The following ZW10 variants were observed in gnomAD, a reference collection of about 807,000 sequenced individuals.
ZW10 encodes centromere/kinetochore protein zw10 homolog.
Under a neutral mutation model 87.8 loss-of-function variants are expected in ZW10, and 53 were observed. That is an observed-to-expected ratio of 0.60 (90% confidence interval 0.48 to 0.76). ZW10 has a LOEUF of 0.76. Ranked by LOEUF, ZW10 falls within the 30% of genes least tolerant of loss-of-function variation. The probability of loss-of-function intolerance (pLI) is 0.00; values close to 1 mark genes in which losing one functional copy is unlikely to be tolerated. For synonymous variants in ZW10, 312 were observed against 329.2 expected (o/e 0.95, Z 0.57); for missense variants, 837 against 923.0 (o/e 0.91, Z 1.21).
chr11:113,755,863 C>G (rs1953778039), intron 7 of ZW10, among the ~76,000 whole-genome samples: 1 of 152,124 alleles, frequency 6.6e-6, no homozygotes, highest in East Asian at 1.9e-4. Context: ...TCACTGAAGG[C>G]TCAGATGATC....
chr11:113,765,326 T>C (rs1953899208), intron 2 of ZW10, among the ~76,000 whole-genome samples: 1 of 152,192 alleles, frequency 6.6e-6, no homozygotes, highest in Non-Finnish European at 1.5e-5. Flanking sequence ...CCATTCTCCT[T>C]CTTTCCATAT....
intron 6 of ZW10, among the ~76,000 whole-genome samples, chr11:113,758,182 A>AC (rs1953814454): frequency 6.6e-6 from 1 of 150,970 alleles, no homozygotes; most frequent in African/African-American, 2.4e-5. Flanking sequence ...CTCAAAAAAA[A>AC]ACACTTCTAA....
chr11:113,752,694 C>A (rs1238096871), intron 7 of ZW10, among the ~76,000 whole-genome samples: 2 of 152,170 alleles, frequency 1.3e-5, no homozygotes, highest in East Asian at 1.9e-4. Context: ...ACTCCACTAA[C>A]CAGCCACCCC....
At chr11:113,773,224 G>C (rs540371378) in intron 1 of ZW10, among the ~76,000 whole-genome samples, 2 of 151,734 alleles carry the variant, frequency 1.3e-5, no homozygotes, top group South Asian at 4.2e-4. Context: ...CGCTCTGCTG[G>C]TCTCTTCAGT....
At chr11:113,772,237 C>T (rs573038853) in intron 1 of ZW10, among the ~76,000 whole-genome samples, 1 of 152,240 alleles carries the variant, frequency 6.6e-6, no homozygotes, top group African/African-American at 2.4e-5. Flanking sequence ...CAAAGAAAGG[C>T]ATGTTGGGTC....
At chr11:113,749,796 C>T (rs1255797419) in intron 7 of ZW10, among the ~76,000 whole-genome samples, 1 of 152,228 alleles carries the variant, frequency 6.6e-6, no homozygotes, top group East Asian at 1.9e-4. Flanking sequence ...GCAACTACTG[C>T]ATCACATATT....
chr11:113,769,675 A>G (rs2134901009), intron 1 of ZW10: 1 of 334,712 alleles, frequency 3.0e-6, no homozygotes, highest in Non-Finnish European at 6.0e-6. Context: ...CTACAAATTT[A>G]GTGGCTTCAC....
intron 1 of ZW10, among the ~76,000 whole-genome samples, chr11:113,772,001 A>G (rs916130497): frequency 6.6e-6 from 1 of 152,250 alleles, no homozygotes; most frequent in Non-Finnish European, 1.5e-5. Flanking sequence ...GCCTTCCAGG[A>G]GCACAAATGA....
intron 7 of ZW10, among the ~76,000 whole-genome samples, chr11:113,756,094 C>G (rs1343346239): frequency 6.6e-6 from 1 of 152,046 alleles, no homozygotes; most frequent in African/African-American, 2.4e-5. Context: ...CTAGTAGTCC[C>G]TTTAAGGAGG....
chr11:113,743,054 C>A (rs886619842), intron 10 of ZW10, among the ~76,000 whole-genome samples: 1 of 152,196 alleles, frequency 6.6e-6, no homozygotes, highest in African/African-American at 2.4e-5. Flanking sequence ...CATGCTCTGC[C>A]ATTTTCTTCT....
At chr11:113,767,006 A>G (rs1250494803) in intron 2 of ZW10, among the ~76,000 whole-genome samples, 1 of 152,050 alleles carries the variant, frequency 6.6e-6, no homozygotes, top group Non-Finnish European at 1.5e-5. Flanking sequence ...ACAGAGTAAG[A>G]ATCTGTCTCA....
intron 7 of ZW10, among the ~76,000 whole-genome samples, chr11:113,748,790 T>C (rs987254370): frequency 1.3e-5 from 2 of 152,228 alleles, no homozygotes; most frequent in African/African-American, 2.4e-5. Context: ...TGAATAAACA[T>C]ACTTTTTTCG....
rs181660125 is a variant in ZW10, at chr11:113,753,921, G to C, written c.925+3741C>G. 6.8e-4 allele frequency among the ~76,000 whole-genome samples: 104 copies of C among 152,328 alleles called. 1 individual carries two copies. The highest frequency in any genetic ancestry group is 1.2e-3 in the Non-Finnish European group (79 of 68,024). On this transcript the variant is annotated intron_variant, in intron 7 of 15. Coordinates refer to ENST00000200135, the MANE Select transcript of ZW10 (RefSeq NM_004724.4). ...CTGTCTCCATAATAGAAAAGCTCAA[G>C]GTGAAGCAGCAAGTGCCAATGGAAA...
Position 113,768,735 on chromosome 11 carries a change from T to C in ZW10, c.240+98A>G, listed in dbSNP as rs1044067234. ...AATCTCCATTTACCAATCAGAAAAG[T>C]GAGGGTTTAAAAAGTTGTACACAAT... is the stretch of plus-strand genomic sequence containing the variant. On this transcript the variant is annotated intron_variant, in intron 2 of 15. Transcript: ENST00000200135. 5 of 1,276,522 alleles carry C rather than the reference T, an allele frequency of 3.9e-6. No individual in the cohort carries two copies. In the African/African-American group the frequency reaches 6.0e-5, roughly 15 times the overall value. 79.1% of individuals were successfully genotyped at this position (1,276,522 alleles called of 1,614,324 possible). A position where few individuals can be genotyped will look rare whatever the true frequency, so the allele number is the denominator to read the frequency against.
chr11:113,761,052 T>TA, intron 2 of ZW10, 134 bp from the exon 3 acceptor site: 3 of 690,894 alleles, frequency 4.3e-6, no homozygotes, highest in Non-Finnish European at 7.1e-6. Flanking sequence ...AAGACTGGAA[T>TA]AAAAATCACA....
intron 1 of ZW10, 139 bp downstream of exon 1, chr11:113,773,423 C>G (rs1419846993): frequency 1.5e-6 from 1 of 670,924 alleles, no homozygotes; most frequent in African/African-American, 1.9e-5. Flanking sequence ...ATTCAGCCCC[C>G]ACAACTAGAT....
At chr11:113,771,057 T>C (rs115881718) in intron 1 of ZW10, among the ~76,000 whole-genome samples, 11,757 of 148,846 alleles carry the variant, frequency 0.079, 559 homozygotes, top group African/African-American at 0.13. Context: ...CTCACTGCAA[T>C]TTCCACTTCC....
chr11:113,745,700 T>C (rs1483888323), intron 9 of ZW10, among the ~76,000 whole-genome samples: 2 of 152,204 alleles, frequency 1.3e-5, no homozygotes, highest in African/African-American at 4.8e-5. Flanking sequence ...GACGGAAGAA[T>C]GTTAGACCTA....
chr11:113,752,558 T>C (rs916700203), intron 7 of ZW10, among the ~76,000 whole-genome samples: 1 of 152,254 alleles, frequency 6.6e-6, no homozygotes, highest in African/African-American at 2.4e-5. Context: ...CTGTGTCACA[T>C]TTTGGCAATT....
Sources: gnomAD v4.1 joint callset for allele counts (sites outside exome capture counted in the v4.1 genomes callset) on GRCh38, gnomAD v4.1.1 for gene constraint, MANE v1.5 for transcripts, NCBI Gene and HGNC (gene_info 2026-07-23, HGNC 2026-07-21) for gene names.